RBFOX1: variants seen among roughly 807,000 people sequenced by gnomAD.
RBFOX1 encodes the protein RNA binding fox-1 homolog 1, also known as RNA binding protein fox-1 homolog 1.
Under a neutral mutation model 57.7 loss-of-function variants are expected in RBFOX1, and 8 were observed. The ratio of observed to expected loss-of-function variants is 0.14; its 90% CI spans 0.08 to 0.25. RBFOX1 has a LOEUF of 0.25. RBFOX1 is among the 10% of genes least tolerant of loss of function. The pLI, the probability that RBFOX1 is intolerant of heterozygous loss-of-function variation, is 1.00. For synonymous variants in RBFOX1, 326 were observed against 222.4 expected (o/e 1.47, Z -4.15); for missense variants, 611 against 548.5 (o/e 1.11, Z -1.14).
At chr16:7,246,579 C>G (rs1371350727) in intron 4 of RBFOX1, among the ~76,000 whole-genome samples, 1 of 151,070 alleles carries the variant, frequency 6.6e-6, no homozygotes, top group Admixed American at 6.6e-5. Flanking sequence ...TATTATGAAC[C>G]TAGGGCTTTT....
At chr16:5,364,532 C>T (rs994803204) in intron 1 of RBFOX1, among the ~76,000 whole-genome samples, 6 of 152,180 alleles carry the variant, frequency 3.9e-5, no homozygotes, top group Non-Finnish European at 8.8e-5. Context: ...GGACGTCCTT[C>T]TATGTTTGTA....
intron 4 of RBFOX1, among the ~76,000 whole-genome samples, chr16:7,177,363 C>A (rs1405606934): frequency 6.6e-6 from 1 of 151,984 alleles, no homozygotes; most frequent in Non-Finnish European, 1.5e-5. Flanking sequence ...GTTTCCAACA[C>A]AGAGGAATGA....
intron 3 of RBFOX1, among the ~76,000 whole-genome samples, chr16:6,836,322 C>T (rs939883957): frequency 6.6e-6 from 1 of 151,392 alleles, no homozygotes; most frequent in South Asian, 2.1e-4. Flanking sequence ...TTGAATTACT[C>T]CAAAGAAAGA....
chr16:6,894,980 CAG>C (rs2066410029), intron 3 of RBFOX1, among the ~76,000 whole-genome samples: 2 of 152,106 alleles, frequency 1.3e-5, no homozygotes, highest in Non-Finnish European at 1.5e-5. Context: ...CCAGAACTAA[CAG>C]AGACTCTGAA....
chr16:5,846,197 A>G (rs1027787942), intron 3 of RBFOX1, among the ~76,000 whole-genome samples: 1 of 151,344 alleles, frequency 6.6e-6, no homozygotes, highest in Admixed American at 6.6e-5. Flanking sequence ...AAAAAAAAAA[A>G]GAATTTAGTG....
chr16:6,780,545 CATATATATTTACATATTTAT>C (rs2080814601), intron 3 of RBFOX1, among the ~76,000 whole-genome samples: 2 of 112,158 alleles, frequency 1.8e-5, no homozygotes, highest in African/African-American at 3.4e-5. Context: ...TATACATTTA[CATATATATTTACATATTTAT>C]ATATATTTAT....
intron 4 of RBFOX1, among the ~76,000 whole-genome samples, chr16:7,329,243 C>T (rs369430979): frequency 1.1e-4 from 16 of 152,306 alleles, no homozygotes; most frequent in African/African-American, 3.4e-4. Context: ...ATTTGACTTC[C>T]GTATGTTTCA....
intron 5 of RBFOX1, among the ~76,000 whole-genome samples, chr16:7,550,421 G>A (rs1456779177): frequency 3.9e-5 from 6 of 152,144 alleles, no homozygotes; most frequent in Admixed American, 6.5e-5. Flanking sequence ...CTGAGAGCCC[G>A]TGGAATGTTT....
At chr16:6,560,628 C>T (rs2097168274) in intron 2 of RBFOX1, among the ~76,000 whole-genome samples, 1 of 152,112 alleles carries the variant, frequency 6.6e-6, no homozygotes, top group Admixed American at 6.5e-5. Context: ...CATTCAGGGC[C>T]TTTGGATTTT....
At chr16:6,955,079 AAC>A (rs1555675132) in intron 3 of RBFOX1, among the ~76,000 whole-genome samples, 61 of 140,222 alleles carry the variant, frequency 4.4e-4, no homozygotes, top group African/African-American at 5.7e-4. Flanking sequence ...AAAAAAAAAA[AAC>A]ACACAAAAAA....
At chr16:7,644,035 G>A (rs2063301825) in intron 11 of RBFOX1, among the ~76,000 whole-genome samples, 1 of 152,188 alleles carries the variant, frequency 6.6e-6, no homozygotes, top group Non-Finnish European at 1.5e-5. Context: ...AGCTTGTACA[G>A]GCAATAGGAG....
At chr16:6,933,434 C>G (rs2076881343) in intron 3 of RBFOX1, among the ~76,000 whole-genome samples, 1 of 152,236 alleles carries the variant, frequency 6.6e-6, no homozygotes, top group South Asian at 2.1e-4. Flanking sequence ...CCATCCTGGC[C>G]AGGTGCAGTG....
chr16:6,118,688 C>G (rs1318962979), intron 1 of RBFOX1, among the ~76,000 whole-genome samples: 4 of 147,556 alleles, frequency 2.7e-5, no homozygotes, highest in Non-Finnish European at 5.9e-5. Flanking sequence ...TCCTTCCTTC[C>G]TTTCTTCCTT....
intron 2 of RBFOX1, among the ~76,000 whole-genome samples, chr16:6,361,937 C>G (rs1348070576): frequency 6.6e-6 from 1 of 151,970 alleles, no homozygotes; most frequent in Non-Finnish European, 1.5e-5. Context: ...AAACACTTCT[C>G]ATGAAGTCCC....
intron 4 of RBFOX1, among the ~76,000 whole-genome samples, chr16:7,163,587 G>A (rs917803810): frequency 5.9e-5 from 9 of 151,282 alleles, no homozygotes; most frequent in Non-Finnish European, 5.9e-5. Flanking sequence ...CATCATCTCA[G>A]TTTCTACAGA....
At chr16:5,301,508 A>G (rs1002274332) in intron 1 of RBFOX1, among the ~76,000 whole-genome samples, 6 of 150,572 alleles carry the variant, frequency 4.0e-5, no homozygotes, top group Non-Finnish European at 5.9e-5. Context: ...AGTCCCAGCT[A>G]CTCGGGAAGC....
chr16:7,531,843 A>C (rs947504894), intron 5 of RBFOX1, among the ~76,000 whole-genome samples: 1 of 152,116 alleles, frequency 6.6e-6, no homozygotes, highest in African/African-American at 2.4e-5. Flanking sequence ...AAGTCTGTAG[A>C]GCTCTCAACT....
intron 3 of RBFOX1, among the ~76,000 whole-genome samples, chr16:6,956,671 C>G (rs554150137): frequency 1.5e-4 from 23 of 152,310 alleles, no homozygotes; most frequent in African/African-American, 5.1e-4. Context: ...CTCCAGTTAT[C>G]TATTGCATCA....
chr16:5,613,120 T>G (rs999041037), intron 3 of RBFOX1, among the ~76,000 whole-genome samples: 4 of 152,112 alleles, frequency 2.6e-5, no homozygotes, highest in African/African-American at 7.2e-5. Flanking sequence ...TTCCTCAGGT[T>G]TCTTTGAGGG....
Sources: allele counts gnomAD v4.1 joint callset (sites outside exome capture counted in the v4.1 genomes callset), GRCh38; gene constraint gnomAD v4.1.1; transcripts MANE v1.5; gene names NCBI Gene and HGNC (gene_info 2026-07-23, HGNC 2026-07-21).